The following TMEM209 variants were observed in gnomAD, a reference collection of about 807,000 sequenced individuals.
TMEM209 encodes transmembrane protein 209, also known as testicular tissue protein Li 202.
In TMEM209, 65 loss-of-function variants were observed where a neutral mutation model predicts 76.2. The observed-to-expected ratio is 0.85, with a 90% CI of 0.70 to 1.05. The LOEUF (loss-of-function observed/expected upper bound fraction) is 1.05. Ranked by LOEUF, TMEM209 falls within the 50% of genes least tolerant of loss-of-function variation. TMEM209 has a pLI of 0.00. For synonymous variants in TMEM209, 239 were observed against 237.6 expected (o/e 1.01, Z -0.06); for missense variants, 623 against 685.5 (o/e 0.91, Z 1.02).
intron 10 of TMEM209, among the ~76,000 whole-genome samples, chr7:130,177,773 T>C (rs1234613480): frequency 6.6e-6 from 1 of 152,156 alleles, no homozygotes; most frequent in South Asian, 2.1e-4. Context: ...TTATATAAAA[T>C]GTTTTAAAAA....
Position 130,203,849 on chromosome 7 carries a change from GA to G in TMEM209, c.141-4del, listed in dbSNP as rs35299461. Reference sequence around the variant, plus strand: ...ATGAACTAATCAATTTTCCAGTCCTGAAAAAAAATTAGAAAGGCTTTCCAGT... The same window carrying G: ...ATGAACTAATCAATTTTCCAGTCCTGAAAAAAATTAGAAAGGCTTTCCAGT... On this transcript the variant is annotated splice_region_variant and splice_polypyrimidine_tract_variant and intron_variant, in intron 2 of 14. Coordinates refer to ENST00000397622, the MANE Select transcript of TMEM209 (RefSeq NM_032842.4). 1.9e-6 allele frequency: 3 copies of G among 1,593,486 alleles called. No individual in the cohort carries two copies. Among genetic ancestry groups the G allele is most frequent in the Admixed American group, 1.8e-5 (1 of 56,190 alleles).
At position 130,201,774 on chromosome 7, in the gene TMEM209, T is replaced by C. The variant is rs777163600; in HGVS notation, c.573+76A>G. On this transcript the variant is annotated intron_variant, in intron 5 of 14. Transcript: ENST00000397622. Reference sequence around the variant, plus strand: ...CTCTCAGTTTGCTCACTGATAAGTTTTGACTCATTAGATGATTTTTAGTAT... The same window carrying C: ...CTCTCAGTTTGCTCACTGATAAGTTCTGACTCATTAGATGATTTTTAGTAT... The C allele has an allele frequency of 1.0e-5, 16 of 1,564,428 alleles. No individual in the cohort carries two copies. The Admixed American group carries it at 1.3e-4, about 13-fold the overall frequency.
rs79939076 is a variant in TMEM209 at position 130,176,683 on chromosome 7, T to C, written c.1247-1074A>G. On this transcript the variant is annotated intron_variant, in intron 10 of 14. Transcript: ENST00000397622. The stretch of plus-strand genomic sequence containing the variant: ...CAATCCAGTTCTTCTGACAAATAAA[T>C]TGCAAAGGAAAAAAAAAGGTGAATG... Among the ~76,000 whole-genome samples the C allele has an allele frequency of 1.1e-3, 161 of 151,034 alleles. 3 individuals carry two copies. The East Asian group carries it at 0.027, about 25-fold the overall frequency.
chr7:130,176,500 A>C (rs1010724430), intron 10 of TMEM209, among the ~76,000 whole-genome samples: 1 of 152,292 alleles, frequency 6.6e-6, no homozygotes, highest in African/African-American at 2.4e-5. Flanking sequence ...ATACACAGAC[A>C]CTTTCTCTTT....
At chr7:130,173,497 A>C in intron 13 of TMEM209, 135 bp downstream of exon 13, 2 of 622,186 alleles carry the variant, frequency 3.2e-6, no homozygotes, top group Non-Finnish European at 5.4e-6. Flanking sequence ...ATAGTAAGAA[A>C]TATATATGTA....
rs773430709 is a variant in TMEM209 at position 130,201,767 on chromosome 7, A to G, written c.573+83T>C. ...AAATCAACTCTCAGTTTGCTCACTG[A>G]TAAGTTTTGACTCATTAGATGATTT... On this transcript the variant is annotated intron_variant, in intron 5 of 14. Transcript: ENST00000397622. 7.8e-6 allele frequency: 12 copies of G among 1,539,142 alleles called. No individual in the cohort carries two copies. The South Asian group carries it at 9.9e-5, about 13-fold the overall frequency.
At chr7:130,179,328 C>T (rs1797337866) in intron 9 of TMEM209, among the ~76,000 whole-genome samples, 1 of 152,024 alleles carries the variant, frequency 6.6e-6, no homozygotes. Flanking sequence ...CATGCAACAC[C>T]CCCTCCTCCC....
intron 10 of TMEM209, among the ~76,000 whole-genome samples, chr7:130,177,998 G>T (rs1797294937): frequency 6.6e-6 from 1 of 152,160 alleles, no homozygotes; most frequent in Non-Finnish European, 1.5e-5. Context: ...GTGTATGGGG[G>T]TGTCAGGGAG....
intron 1 of TMEM209, 50 bp downstream of exon 1, chr7:130,205,323 C>T: frequency 2.5e-6 from 4 of 1,613,878 alleles, no homozygotes; most frequent in South Asian, 1.1e-5. Context: ...ACTCCCACAA[C>T]CCGCGTAGAT....
At chr7:130,201,354 T>G (rs759753564) in intron 5 of TMEM209, among the ~76,000 whole-genome samples, 2 of 152,232 alleles carry the variant, frequency 1.3e-5, no homozygotes, top group Non-Finnish European at 2.9e-5. Flanking sequence ...TTCACATTAC[T>G]GTGGGAGTGG....
At chr7:130,167,477 GA>G (rs1172945732) in intron 14 of TMEM209, among the ~76,000 whole-genome samples, 5 of 152,008 alleles carry the variant, frequency 3.3e-5, no homozygotes, top group African/African-American at 9.7e-5. Context: ...ACTTTATGAA[GA>G]AATCTTTCAT....
chr7:130,169,127 A>G (rs760776367), intron 14 of TMEM209, among the ~76,000 whole-genome samples: 1 of 148,142 alleles, frequency 6.8e-6, no homozygotes, highest in Non-Finnish European at 1.5e-5. Context: ...CTTGGGAGGC[A>G]GAGGTTGCAG....
chr7:130,202,913 A>AC (rs200860170), intron 3 of TMEM209, among the ~76,000 whole-genome samples: 2,595 of 152,050 alleles, frequency 0.017, 81 homozygotes, highest in African/African-American at 0.059. Flanking sequence ...ACATAGTGAA[A>AC]CCCCATCTCT....
chr7:130,188,640 T>C (rs1184548835), intron 6 of TMEM209, among the ~76,000 whole-genome samples: 1 of 139,756 alleles, frequency 7.2e-6, no homozygotes, highest in Non-Finnish European at 1.6e-5. Flanking sequence ...TACTTTATAA[T>C]CACCACTTTA....
chr7:130,173,826 T>C lies in TMEM209; in HGVS notation c.1458A>G (p.Pro486=), dbSNP rs1797152331. 1 of 1,613,088 alleles carries C rather than the reference T, an allele frequency of 6.2e-7. No individual in the cohort carries two copies. The highest frequency in any genetic ancestry group is 8.5e-7 in the Non-Finnish European group (1 of 1,179,056). Residue 486 remains proline, a splice_region_variant and synonymous_variant, in exon 12 of 15, where the codon CCA becomes CCG. Transcript: ENST00000397622. The part of the protein sequence containing the change: ...SQHFVQTPNK[P]DVTNENVFCI... Reference sequence around the variant, plus strand: ...CATTCTTTTAGGAGAGGTTTATACCTGGTTTATTTGGTGTCTGAACAAAGT... The same window carrying C: ...CATTCTTTTAGGAGAGGTTTATACCCGGTTTATTTGGTGTCTGAACAAAGT...
chr7:130,188,082 C>G (rs1797661074), intron 6 of TMEM209, among the ~76,000 whole-genome samples: 1 of 152,024 alleles, frequency 6.6e-6, no homozygotes, highest in South Asian at 2.1e-4. Context: ...CTACAAAAAC[C>G]TGGCATAATT....
intron 13 of TMEM209, among the ~76,000 whole-genome samples, chr7:130,172,773 C>G (rs894818089): frequency 1.3e-5 from 2 of 151,626 alleles, no homozygotes; most frequent in Non-Finnish European, 1.5e-5. Flanking sequence ...CCGAGGTGGG[C>G]AGACTGCCTG....
intron 5 of TMEM209, among the ~76,000 whole-genome samples, chr7:130,193,598 T>C (rs1797871802): frequency 6.6e-6 from 1 of 150,874 alleles, no homozygotes; most frequent in Non-Finnish European, 1.5e-5. Flanking sequence ...CAATCTTAAA[T>C]GCATATTGTT....
chr7:130,175,372 G>A (rs4731667), intron 11 of TMEM209, 140 bp downstream of exon 11: 164,599 of 686,728 alleles, frequency 0.24, 21,064 homozygotes, highest in East Asian at 0.38. Flanking sequence ...GAGCTGGGAG[G>A]AGCACTTGAG....
Sources: gnomAD v4.1 joint callset for allele counts (sites outside exome capture counted in the v4.1 genomes callset) on GRCh38, gnomAD v4.1.1 for gene constraint, MANE v1.5 for transcripts, NCBI Gene and HGNC (gene_info 2026-07-23, HGNC 2026-07-21) for gene names.